MECOM: variants seen among roughly 807,000 people sequenced by gnomAD.
MECOM encodes histone-lysine N-methyltransferase MECOM.
MECOM carries 13 observed loss-of-function variants against 116.3 expected under a neutral mutation model. That is an observed-to-expected ratio of 0.11 (90% confidence interval 0.07 to 0.18). The LOEUF (loss-of-function observed/expected upper bound fraction) is 0.18. Ranked by LOEUF, MECOM falls within the 10% of genes least tolerant of loss-of-function variation. The pLI is 1.00. For missense variants in MECOM, 1,299 were observed against 1,509.0 expected, an observed-to-expected ratio of 0.86 and a Z score of 2.31; for synonymous variants, 528 against 535.2, an observed-to-expected ratio of 0.99 and a Z score of 0.19.
At chr3:169,385,191 C>T (rs1286199946) in intron 1 of MECOM, among the ~76,000 whole-genome samples, 2 of 151,550 alleles carry the variant, frequency 1.3e-5, no homozygotes, top group Admixed American at 6.6e-5. Context: ...GAATTACCCA[C>T]AAACTCTCCC....
chr3:169,661,919 G>A (rs144224953), intron 1 of MECOM, among the ~76,000 whole-genome samples: 181 of 152,314 alleles, frequency 1.2e-3, no homozygotes, highest in Non-Finnish European at 2.1e-3. Flanking sequence ...GTGGGAGAGA[G>A]AACCGCGGCC....
At chr3:169,269,967 GGTGTGT>G (rs72249209) in intron 2 of MECOM, among the ~76,000 whole-genome samples, 3 of 149,116 alleles carry the variant, frequency 2.0e-5, no homozygotes, top group African/African-American at 4.9e-5. Flanking sequence ...CGTATATAAA[GGTGTGT>G]GTGTGTGTGT....
At chr3:169,169,981 A>T (rs1475360783) in intron 2 of MECOM, among the ~76,000 whole-genome samples, 1 of 152,154 alleles carries the variant, frequency 6.6e-6, no homozygotes, top group African/African-American at 2.4e-5. Flanking sequence ...CTGGAAATGA[A>T]ATCCCCAGAC....
At chr3:169,340,480 A>C (rs1274353466) in intron 2 of MECOM, among the ~76,000 whole-genome samples, 2 of 152,164 alleles carry the variant, frequency 1.3e-5, no homozygotes, top group Non-Finnish European at 2.9e-5. Flanking sequence ...TTAAGATGAT[A>C]AACTGAGATA....
chr3:169,661,312 C>CT (rs1356604186), intron 1 of MECOM, among the ~76,000 whole-genome samples: 1 of 142,580 alleles, frequency 7.0e-6, no homozygotes, highest in Non-Finnish European at 1.5e-5. Flanking sequence ...AACTCCCCCC[C>CT]CCACACACAC....
chr3:169,475,348 A>C (rs1217185414), intron 1 of MECOM, among the ~76,000 whole-genome samples: 1 of 152,170 alleles, frequency 6.6e-6, no homozygotes, highest in Non-Finnish European at 1.5e-5. Context: ...CAACTTTATC[A>C]AGACGGTTGA....
rs1731554344 is a variant in MECOM at position 169,378,449 on chromosome 3, GAA to G, written c.375+2736_375+2737del. The stretch of plus-strand genomic sequence containing the variant: ...AGAAAGAAAGAAAGAAAGAAAGAAA[GAA>G]GGAAAGCAAGCAAGCAAGCAAGCAA... On this transcript the variant is annotated intron_variant, in intron 2 of 16. Transcript: ENST00000651503. Among the ~76,000 whole-genome samples, 3 of 59,622 alleles carry G rather than the reference GAA, an allele frequency of 5.0e-5. 1 individual carries two copies. Among genetic ancestry groups the G allele is most frequent in the African/African-American group, 3.4e-4 (3 of 8,954 alleles). 39.1% of individuals were successfully genotyped at this position (59,622 alleles called of 152,430 possible). A position where few individuals can be genotyped will look rare whatever the true frequency, so the allele number is the denominator to read the frequency against.
chr3:169,370,864 T>G (rs1236753786), intron 2 of MECOM, among the ~76,000 whole-genome samples: 3 of 151,816 alleles, frequency 2.0e-5, no homozygotes, highest in African/African-American at 7.3e-5. Context: ...TTAGAATGAC[T>G]GTTATTGGCG....
intron 2 of MECOM, among the ~76,000 whole-genome samples, chr3:169,336,264 C>T (rs920492457): frequency 4.5e-4 from 69 of 151,952 alleles, no homozygotes; most frequent in African/African-American, 1.3e-3. Context: ...ATCTAGGGAG[C>T]TTCTGGGGGG....
At chr3:169,127,471 T>G (rs184124662) in intron 5 of MECOM, among the ~76,000 whole-genome samples, 35 of 152,266 alleles carry the variant, frequency 2.3e-4, no homozygotes, top group African/African-American at 7.9e-4. Flanking sequence ...GATCTAGTCC[T>G]TTAAAAAATC....
intron 1 of MECOM, among the ~76,000 whole-genome samples, chr3:169,661,699 G>T (rs1379677072): frequency 4.0e-5 from 6 of 151,830 alleles, no homozygotes; most frequent in African/African-American, 1.5e-4. Context: ...AGCCTGCTGA[G>T]GTGCCGCCGA....
intron 15 of MECOM, 48 bp from the exon 16 acceptor site, chr3:169,089,231 T>C (rs542384633): frequency 1.2e-4 from 159 of 1,319,422 alleles, no homozygotes; most frequent in Middle Eastern, 4.4e-4. Flanking sequence ...TCATTTGTTA[T>C]CTAATCAAAT....
chr3:169,093,899 A>T (rs1418733605), intron 13 of MECOM, among the ~76,000 whole-genome samples: 1 of 152,218 alleles, frequency 6.6e-6, no homozygotes, highest in Non-Finnish European at 1.5e-5. Flanking sequence ...ACAGGAGGTT[A>T]GAACATCCCC....
chr3:169,548,782 C>A (rs907526684), intron 1 of MECOM, among the ~76,000 whole-genome samples: 1 of 152,296 alleles, frequency 6.6e-6, no homozygotes, highest in South Asian at 2.1e-4. Flanking sequence ...TAATTAAGCT[C>A]TGTTTTATTC....
chr3:169,298,334 T>C (rs1202052206), intron 2 of MECOM, among the ~76,000 whole-genome samples: 1 of 152,002 alleles, frequency 6.6e-6, no homozygotes, highest in Admixed American at 6.6e-5. Context: ...CATACAAAGA[T>C]ACATATGTAT....
intron 1 of MECOM, among the ~76,000 whole-genome samples, chr3:169,513,175 G>A (rs1281886767): frequency 6.6e-6 from 1 of 152,196 alleles, no homozygotes; most frequent in African/African-American, 2.4e-5. Flanking sequence ...CTGTGGTCTA[G>A]ACCAGATTTC....
intron 1 of MECOM, among the ~76,000 whole-genome samples, chr3:169,411,284 T>C (rs1737513447): frequency 6.6e-6 from 1 of 151,972 alleles, no homozygotes; most frequent in Non-Finnish European, 1.5e-5. Context: ...AAAAAGAAGG[T>C]CATAAAACCG....
chr3:169,530,310 T>C (rs1245347929), intron 1 of MECOM, among the ~76,000 whole-genome samples: 1 of 152,220 alleles, frequency 6.6e-6, no homozygotes, highest in Non-Finnish European at 1.5e-5. Context: ...CTCAAGGACC[T>C]GGAGTGTGCA....
chr3:169,195,404 G>T (rs966118288), intron 2 of MECOM, among the ~76,000 whole-genome samples: 4 of 152,038 alleles, frequency 2.6e-5, no homozygotes, highest in African/African-American at 9.7e-5. Context: ...CATAAACTGT[G>T]TTTGTTCTTT....
Sources: gnomAD v4.1 joint callset for allele counts (sites outside exome capture counted in the v4.1 genomes callset) on GRCh38, gnomAD v4.1.1 for gene constraint, MANE v1.5 for transcripts, NCBI Gene and HGNC (gene_info 2026-07-23, HGNC 2026-07-21) for gene names.